The following RCAN2 variants were observed in gnomAD, a reference collection of about 807,000 sequenced individuals.
The protein encoded by RCAN2 is calcipressin-2.
Under a neutral mutation model 23.6 loss-of-function variants are expected in RCAN2, and 9 were observed. The ratio of observed to expected loss-of-function variants is 0.38; its 90% CI spans 0.23 to 0.67. The LOEUF (loss-of-function observed/expected upper bound fraction) is 0.67, where lower values mean the gene tolerates loss of function less well. Ranked by LOEUF, RCAN2 falls within the 30% of genes least tolerant of loss-of-function variation. The probability of loss-of-function intolerance (pLI) is 0.51; values close to 1 mark genes in which losing one functional copy is unlikely to be tolerated. For missense variants in RCAN2, 273 were observed against 302.3 expected (o/e 0.90, Z 0.72); for synonymous variants, 109 against 115.7 (o/e 0.94, Z 0.37).
intron 2 of RCAN2, among the ~76,000 whole-genome samples, chr6:46,401,989 T>C (rs931560014): frequency 6.6e-6 from 1 of 152,090 alleles, no homozygotes; most frequent in Non-Finnish European, 1.5e-5. Flanking sequence ...TCATGGCAGG[T>C]CAGCAGGAAA....
rs537673185 is a variant in RCAN2 at position 46,352,709 on chromosome 6, G to T, written c.226-103813C>A. Reference sequence around the variant, plus strand: ...TTCCCCTGGGAGACCCAGGATCCAGGCCAGAAACAGGAAGTTGTCAGGGGA... The same window carrying T: ...TTCCCCTGGGAGACCCAGGATCCAGTCCAGAAACAGGAAGTTGTCAGGGGA... On this transcript the variant is annotated intron_variant, in intron 2 of 4. Coordinates refer to ENST00000371374, the MANE Select transcript of RCAN2 (RefSeq NM_001251974.2). Among the ~76,000 whole-genome samples, 119 of 152,300 alleles carry T rather than the reference G, an allele frequency of 7.8e-4. 1 individual carries two copies. Among genetic ancestry groups the T allele is most frequent in the African/African-American group, 2.7e-3 (112 of 41,570 alleles).
chr6:46,339,369 A>G (rs753739649), intron 2 of RCAN2, among the ~76,000 whole-genome samples: 2 of 152,072 alleles, frequency 1.3e-5, no homozygotes. Flanking sequence ...AGGAAGCCAC[A>G]TTTCGCTGGA....
chr6:46,349,500 C>G (rs1346824577), intron 2 of RCAN2, among the ~76,000 whole-genome samples: 1 of 151,650 alleles, frequency 6.6e-6, no homozygotes, highest in African/African-American at 2.4e-5. Flanking sequence ...ATAGGTGCAG[C>G]AAACCACCAT....
intron 2 of RCAN2, among the ~76,000 whole-genome samples, chr6:46,358,173 T>C (rs1438000247): frequency 6.6e-6 from 1 of 152,228 alleles, no homozygotes; most frequent in African/African-American, 2.4e-5. Flanking sequence ...AAGATGGTTG[T>C]GGCATTTTAA....
chr6:46,388,117 G>T (rs140219095), intron 2 of RCAN2, among the ~76,000 whole-genome samples: 16 of 151,962 alleles, frequency 1.1e-4, no homozygotes, highest in Admixed American at 3.9e-4. Context: ...GTGGGGGTAG[G>T]GGGGAGGGAA....
chr6:46,477,105 G>A (rs1768735138), intron 1 of RCAN2, among the ~76,000 whole-genome samples: 1 of 151,978 alleles, frequency 6.6e-6, no homozygotes, highest in South Asian at 2.1e-4. Context: ...CTGCATTTAG[G>A]GCCCTTCTAA....
chr6:46,288,349 G>A (rs371274508), intron 2 of RCAN2, among the ~76,000 whole-genome samples: 85 of 152,334 alleles, frequency 5.6e-4, no homozygotes, highest in African/African-American at 2.0e-3. Flanking sequence ...TTCCCGTTAA[G>A]GAATCCCAGG....
In RCAN2 at chr6:46,436,505, G is replaced by A. The variant is rs577481248; in HGVS notation, c.225+20247C>T. ...GCTGGGATTATCGGCATGAGCCACC[G>A]TGCCGGGCCCAGAGTCCCATGAGTT... On this transcript the variant is annotated intron_variant, in intron 2 of 4. Coordinates refer to ENST00000371374, the MANE Select transcript of RCAN2 (RefSeq NM_001251974.2). Among the ~76,000 whole-genome samples the A allele has an allele frequency of 3.9e-5, 6 of 152,320 alleles. No homozygotes were observed. In the South Asian group the frequency reaches 1.2e-3, roughly 32 times the overall value.
intron 4 of RCAN2, among the ~76,000 whole-genome samples, chr6:46,244,775 C>T (rs1012229447): frequency 2.0e-5 from 3 of 152,224 alleles, no homozygotes; most frequent in African/African-American, 4.8e-5. Context: ...GGTCAGACTC[C>T]TAGGTCCTCT....
chr6:46,441,069 T>C (rs1033721522), intron 2 of RCAN2, among the ~76,000 whole-genome samples: 1 of 152,108 alleles, frequency 6.6e-6, no homozygotes, highest in East Asian at 1.9e-4. Context: ...CCTCCTTCCT[T>C]CCTTGAACCA....
chr6:46,440,348 T>C (rs1244188903), intron 2 of RCAN2, among the ~76,000 whole-genome samples: 1 of 152,174 alleles, frequency 6.6e-6, no homozygotes, highest in Non-Finnish European at 1.5e-5. Context: ...ATTCTTTTCC[T>C]TGGAGATGTT....
intron 4 of RCAN2, among the ~76,000 whole-genome samples, chr6:46,246,062 C>T (rs189449236): frequency 6.6e-6 from 1 of 152,128 alleles, no homozygotes; most frequent in African/African-American, 2.4e-5. Context: ...TAGAGATGTA[C>T]AAGAATGTTA....
chr6:46,489,192 C>T (rs1769071961), intron 1 of RCAN2, among the ~76,000 whole-genome samples: 2 of 152,140 alleles, frequency 1.3e-5, no homozygotes, highest in South Asian at 4.1e-4. Flanking sequence ...ACTCCTACCA[C>T]CTATTGGGAT....
At chr6:46,227,449 G>A (rs1457809803) in intron 4 of RCAN2, among the ~76,000 whole-genome samples, 1 of 152,082 alleles carries the variant, frequency 6.6e-6, no homozygotes, top group Non-Finnish European at 1.5e-5. Context: ...ATCAATTATT[G>A]CCTCAATTTC....
intron 1 of RCAN2, among the ~76,000 whole-genome samples, chr6:46,475,113 CTGTTGATTCCTGGTCACTTGGAAAT>C (rs1216626256): frequency 1.3e-5 from 2 of 152,138 alleles, no homozygotes; most frequent in African/African-American, 2.4e-5. Flanking sequence ...TGATGACCAG[CTGTTGATTCCTGGTCACTTGGAAAT>C]TAGGTTGGAG....
At chr6:46,356,672 A>G (rs1037221691) in intron 2 of RCAN2, among the ~76,000 whole-genome samples, 1 of 152,148 alleles carries the variant, frequency 6.6e-6, no homozygotes, top group East Asian at 1.9e-4. Flanking sequence ...GTGATGCCCA[A>G]TTTCATTGAT....
chr6:46,283,496 A>G (rs1433233005), intron 2 of RCAN2, among the ~76,000 whole-genome samples: 1 of 152,190 alleles, frequency 6.6e-6, no homozygotes, highest in Non-Finnish European at 1.5e-5. Flanking sequence ...ACACATACCA[A>G]TGTAAACTAA....
intron 2 of RCAN2, among the ~76,000 whole-genome samples, chr6:46,256,767 G>T (rs544291284): frequency 6.6e-6 from 1 of 152,264 alleles, no homozygotes; most frequent in South Asian, 2.1e-4. Flanking sequence ...AAAGTAAAAT[G>T]GAAAACGAGA....
At chr6:46,409,703 A>G (rs745357890) in intron 2 of RCAN2, among the ~76,000 whole-genome samples, 59 of 152,204 alleles carry the variant, frequency 3.9e-4, no homozygotes, top group Non-Finnish European at 6.5e-4. Flanking sequence ...CCTCCATCAT[A>G]CATTCTTTTA....
Sources: allele counts gnomAD v4.1 joint callset (sites outside exome capture counted in the v4.1 genomes callset), GRCh38; gene constraint gnomAD v4.1.1; transcripts MANE v1.5; gene names NCBI Gene and HGNC (gene_info 2026-07-23, HGNC 2026-07-21).